The following ADGRB3 variants were observed in gnomAD, a reference collection of about 807,000 sequenced individuals.
The protein encoded by ADGRB3 is brain-specific angiogenesis inhibitor 3.
ADGRB3 carries 37 observed loss-of-function variants against 193.4 expected under a neutral mutation model. The observed-to-expected ratio is 0.19, with a 90% CI of 0.15 to 0.25. The LOEUF is 0.25. Ranked by LOEUF, ADGRB3 falls within the 10% of genes least tolerant of loss-of-function variation. The pLI is 1.00. For synonymous variants in ADGRB3, 690 were observed against 644.2 expected (o/e 1.07, Z -1.08); for missense variants, 1,637 against 1,852.9 (o/e 0.88, Z 2.14).
intron 17 of ADGRB3, among the ~76,000 whole-genome samples, chr6:69,180,678 G>T (rs1420259135): frequency 6.6e-6 from 1 of 152,222 alleles, no homozygotes; most frequent in Non-Finnish European, 1.5e-5. Flanking sequence ...AGAAACTGCA[G>T]TTGTAGCAGC....
At chr6:69,181,608 A>C (rs1003191739) in intron 17 of ADGRB3, among the ~76,000 whole-genome samples, 1 of 152,166 alleles carries the variant, frequency 6.6e-6, no homozygotes, top group Non-Finnish European at 1.5e-5. Flanking sequence ...TTGCATATAC[A>C]TTATCAAATA....
At chr6:69,121,644 C>T (rs532075343) in intron 17 of ADGRB3, among the ~76,000 whole-genome samples, 1 of 150,376 alleles carries the variant, frequency 6.6e-6, no homozygotes, top group Admixed American at 6.6e-5. Context: ...GACAGAGGCA[C>T]TCCTCACCTC....
chr6:68,845,270 T>C (rs1395683360), intron 3 of ADGRB3, among the ~76,000 whole-genome samples: 7 of 151,636 alleles, frequency 4.6e-5, no homozygotes, highest in Non-Finnish European at 1.0e-4. Flanking sequence ...AAAGAAAGAG[T>C]GGAAGACACA....
rs553702155 is a variant in ADGRB3 at position 68,945,584 on chromosome 6, A to C, written c.1195+1590A>C. ...ACTCTTATTTGTCCATGAAGTGCAAAGAAATAGACAATATGGAGAAATAAA... is the reference window on the plus strand; with the variant it reads ...ACTCTTATTTGTCCATGAAGTGCAACGAAATAGACAATATGGAGAAATAAA... On this transcript the variant is annotated intron_variant, in intron 6 of 31. Coordinates refer to ENST00000370598, the MANE Select transcript of ADGRB3 (RefSeq NM_001704.3). 8.5e-5 allele frequency among the ~76,000 whole-genome samples: 13 copies of C among 152,274 alleles called. 1 individual carries two copies. In the South Asian group the frequency reaches 2.5e-3, roughly 29 times the overall value.
chr6:69,260,501 A>G (rs903272686), intron 20 of ADGRB3, among the ~76,000 whole-genome samples: 5 of 152,130 alleles, frequency 3.3e-5, no homozygotes, highest in Non-Finnish European at 5.9e-5. Flanking sequence ...GGCATAGCAA[A>G]AATGGTTCTT....
intron 16 of ADGRB3, among the ~76,000 whole-genome samples, chr6:69,065,406 A>T (rs1419254504): frequency 6.6e-6 from 1 of 152,126 alleles, no homozygotes; most frequent in Admixed American, 6.6e-5. Flanking sequence ...TATTTAAAAT[A>T]TCCATCTCAC....
intron 3 of ADGRB3, among the ~76,000 whole-genome samples, chr6:68,679,601 C>T (rs1764843617): frequency 6.6e-6 from 1 of 152,006 alleles, no homozygotes; most frequent in African/African-American, 2.4e-5. Flanking sequence ...ACGTGCCATC[C>T]ACCACAGGCA....
At chr6:69,292,904 G>A (rs1767721791) in intron 20 of ADGRB3, among the ~76,000 whole-genome samples, 1 of 138,946 alleles carries the variant, frequency 7.2e-6, no homozygotes, top group African/African-American at 2.6e-5. Flanking sequence ...AGAGTTTGAT[G>A]TTCCCCTTCC....
At chr6:69,241,420 T>C (rs546689135) in intron 20 of ADGRB3, among the ~76,000 whole-genome samples, 36 of 152,074 alleles carry the variant, frequency 2.4e-4, no homozygotes, top group Middle Eastern at 6.8e-3. Flanking sequence ...TTTATACTTA[T>C]GATACATCTT....
At chr6:68,669,130 A>G (rs1321497443) in intron 3 of ADGRB3, among the ~76,000 whole-genome samples, 4 of 151,970 alleles carry the variant, frequency 2.6e-5, no homozygotes. Context: ...TATGGAATAC[A>G]TGAGATGTTT....
chr6:69,203,872 A>G (rs554116592), intron 17 of ADGRB3, among the ~76,000 whole-genome samples: 12 of 152,228 alleles, frequency 7.9e-5, no homozygotes, highest in East Asian at 1.9e-4. Context: ...GCTCTTATGT[A>G]CAGAAGCCAA....
At chr6:68,963,852 A>G (rs1198734584) in intron 8 of ADGRB3, among the ~76,000 whole-genome samples, 1 of 152,130 alleles carries the variant, frequency 6.6e-6, no homozygotes, top group African/African-American at 2.4e-5. Flanking sequence ...TATTATTATT[A>G]TATGATTATA....
chr6:69,316,312 A>G (rs971731163), intron 20 of ADGRB3, among the ~76,000 whole-genome samples: 1 of 151,536 alleles, frequency 6.6e-6, no homozygotes, highest in Non-Finnish European at 1.5e-5. Context: ...ATTAAAGAGT[A>G]ATGTTTGAAA....
chr6:69,312,268 G>A (rs148589501), intron 20 of ADGRB3, among the ~76,000 whole-genome samples: 1 of 151,862 alleles, frequency 6.6e-6, no homozygotes, highest in African/African-American at 2.4e-5. Flanking sequence ...GGAAATACAA[G>A]GATGATGTCC....
intron 15 of ADGRB3, among the ~76,000 whole-genome samples, chr6:69,056,576 T>C (rs1582427535): frequency 6.6e-6 from 1 of 152,332 alleles, no homozygotes; most frequent in East Asian, 1.9e-4. Flanking sequence ...TTTCTCTATG[T>C]TTTCTTTTAA....
intron 3 of ADGRB3, among the ~76,000 whole-genome samples, chr6:68,901,825 C>T (rs1206969086): frequency 1.3e-5 from 2 of 151,788 alleles, no homozygotes; most frequent in African/African-American, 4.8e-5. Context: ...AGGGAAGACG[C>T]AAAAAGTAAA....
At chr6:69,180,736 C>G (rs1775558875) in intron 17 of ADGRB3, among the ~76,000 whole-genome samples, 1 of 152,150 alleles carries the variant, frequency 6.6e-6, no homozygotes, top group Admixed American at 6.5e-5. Flanking sequence ...ATTGTAACAC[C>G]TACTGCTGAG....
chr6:68,831,533 A>G (rs1248112046), intron 3 of ADGRB3, among the ~76,000 whole-genome samples: 1 of 152,080 alleles, frequency 6.6e-6, no homozygotes, highest in Non-Finnish European at 1.5e-5. Flanking sequence ...CAGTCATTCA[A>G]CTTAGCTAGT....
At chr6:68,854,409 CTA>C (rs1178509640) in intron 3 of ADGRB3, among the ~76,000 whole-genome samples, 1 of 152,066 alleles carries the variant, frequency 6.6e-6, no homozygotes, top group African/African-American at 2.4e-5. Flanking sequence ...AAAATGATAA[CTA>C]TGTGAGATAA....
Sources: gnomAD v4.1 joint callset for allele counts (sites outside exome capture counted in the v4.1 genomes callset) on GRCh38, gnomAD v4.1.1 for gene constraint, MANE v1.5 for transcripts, NCBI Gene and HGNC (gene_info 2026-07-23, HGNC 2026-07-21) for gene names.